Variants in EPAS1 observed in about 807,000 individuals in gnomAD.
EPAS1 encodes the protein endothelial PAS domain-containing protein 1.
In EPAS1, 23 loss-of-function variants were observed where a neutral mutation model predicts 87.9. The observed-to-expected ratio is 0.26, with a 90% CI of 0.19 to 0.37. EPAS1 has a LOEUF of 0.37. Ranked by LOEUF, EPAS1 falls within the 10% of genes least tolerant of loss-of-function variation. The pLI is 1.00. For synonymous variants in EPAS1, 508 were observed against 444.3 expected, an observed-to-expected ratio of 1.14 and a Z score of -1.80; for missense variants, 1,138 against 1,120.7, an observed-to-expected ratio of 1.02 and a Z score of -0.22.
At chr2:46,304,022 G>T (rs886261608) in intron 1 of EPAS1, among the ~76,000 whole-genome samples, 8 of 152,142 alleles carry the variant, frequency 5.3e-5, no homozygotes, top group African/African-American at 1.9e-4. Context: ...GGTAAATACT[G>T]GTATGATTCA....
chr2:46,376,901 G>T (rs1387272014), intron 9 of EPAS1, 148 bp downstream of exon 9: 9 of 796,444 alleles, frequency 1.1e-5, no homozygotes, highest in African/African-American at 1.7e-5. Flanking sequence ...TTAGAGGCCA[G>T]GCCCTGCTGA....
At chr2:46,369,574 C>T (rs560726248) in intron 6 of EPAS1, among the ~76,000 whole-genome samples, 39 of 152,274 alleles carry the variant, frequency 2.6e-4, no homozygotes, top group Non-Finnish European at 5.1e-4. Context: ...AGGGAGTCCT[C>T]AGAACTGGTG....
intron 6 of EPAS1, among the ~76,000 whole-genome samples, chr2:46,364,870 G>A (rs1684470090): frequency 6.6e-6 from 1 of 152,210 alleles, no homozygotes; most frequent in Non-Finnish European, 1.5e-5. Context: ...GTAACTGTGT[G>A]CCAGAGACCA....
intron 14 of EPAS1, 41 bp downstream of exon 14, chr2:46,382,130 G>A (rs375528375): frequency 3.2e-6 from 5 of 1,585,670 alleles, no homozygotes; most frequent in Non-Finnish European, 3.5e-6. Context: ...GGGGGTTCTG[G>A]TGGAAGGACT....
At chr2:46,340,642 C>A (rs1026586456) in intron 1 of EPAS1, among the ~76,000 whole-genome samples, 1 of 152,164 alleles carries the variant, frequency 6.6e-6, no homozygotes, top group Admixed American at 6.5e-5. Context: ...CATATTAATG[C>A]CTTTTTTCTC....
intron 1 of EPAS1, among the ~76,000 whole-genome samples, chr2:46,326,887 C>G (rs1683574524): frequency 1.3e-5 from 2 of 152,180 alleles, no homozygotes; most frequent in Non-Finnish European, 2.9e-5. Flanking sequence ...CCTGCAGGCC[C>G]TGGAGCCAGA....
chr2:46,367,902 T>C (rs534777097), intron 6 of EPAS1, among the ~76,000 whole-genome samples: 1 of 152,320 alleles, frequency 6.6e-6, no homozygotes, highest in Non-Finnish European at 1.5e-5. Context: ...GTTCTGTGTG[T>C]GTGTGTGTGC....
chr2:46,346,844 C>G lies in EPAS1; in HGVS notation c.27-29C>G. 6.2e-7 allele frequency: 1 copy of G among 1,613,332 alleles called. No individual in the cohort carries two copies. The highest frequency in any genetic ancestry group is 1.1e-5 in the South Asian group (1 of 90,962). On this transcript the variant is annotated intron_variant, in intron 1 of 15. Coordinates refer to ENST00000263734, the MANE Select transcript of EPAS1 (RefSeq NM_001430.5). The surrounding 1 kb of genome is among the most constrained non-coding windows in gnomAD (Gnocchi z 4.0). ...GTATGATAGGCTGACAGTAACCTTTCCGGGACTAACCCCTTCTTCTCCACT... is the reference window on the plus strand; with the variant it reads ...GTATGATAGGCTGACAGTAACCTTTGCGGGACTAACCCCTTCTTCTCCACT...
Position 46,380,637 on chromosome 2 carries a change from G to T in EPAS1, c.1965G>T (p.Gly655=), listed in dbSNP as rs137974504. The T allele has an allele frequency of 6.2e-7, 1 of 1,613,984 alleles. No homozygotes were observed. The highest frequency in any genetic ancestry group is 8.5e-7 in the Non-Finnish European group (1 of 1,179,996). The part of the protein sequence containing the change: ...LHFGPTKWAV[G]DQRTEFLGAA... ...TTGGGCCCACAAAGTGGGCCGTCGG[G>T]GATCAGCGCACAGAGTTCTTGGGAG... Residue 655 remains glycine, a synonymous_variant, in exon 12 of 16, where the codon GGG becomes GGT. Coordinates refer to ENST00000263734, the MANE Select transcript of EPAS1 (RefSeq NM_001430.5). This position sits in a 1 kb window ranked among gnomAD's most constrained non-coding sequence, Gnocchi z 4.4.
In EPAS1 at chr2:46,385,107, C is replaced by T. The variant is rs1684985123; in HGVS notation, c.*447C>T. 1 of 179,748 alleles carries T rather than the reference C, an allele frequency of 5.6e-6. No individual in the cohort carries two copies. Among genetic ancestry groups the T allele is most frequent in the Non-Finnish European group, 1.2e-5 (1 of 83,356 alleles). The allele number at this position is 179,748 out of a possible 1,614,324, so 11.1% of individuals were successfully genotyped here. On this transcript the variant is annotated 3_prime_UTR_variant, in exon 16 of 16. Coordinates refer to ENST00000263734, the MANE Select transcript of EPAS1 (RefSeq NM_001430.5). ...GAGAAACAAAAATGATTTTGCTTTC[C>T]AAGCTTGGTTTGTGGCGTCTCCCTC...
At position 46,380,826 on chromosome 2, in the gene EPAS1, T is replaced by A; in HGVS notation, c.2045+109T>A. On this transcript the variant is annotated intron_variant, in intron 12 of 15. Transcript: ENST00000263734. This position sits in a 1 kb window ranked among gnomAD's most constrained non-coding sequence, Gnocchi z 4.4. The stretch of plus-strand genomic sequence containing the variant: ...CCTGCCCCTCTCCCCAGCCATCTGA[T>A]ACCCCATTTAGCCCTTCTCTGAGCT... The A allele has an allele frequency of 1.3e-6, 2 of 1,563,052 alleles. No homozygotes were observed. Among genetic ancestry groups the A allele is most frequent in the Non-Finnish European group, 1.7e-6 (2 of 1,150,764 alleles).
chr2:46,343,352 C>G (rs914003883), intron 1 of EPAS1, among the ~76,000 whole-genome samples: 4 of 152,168 alleles, frequency 2.6e-5, no homozygotes, highest in Non-Finnish European at 5.9e-5. Flanking sequence ...CCCTTCTTCC[C>G]AAAGTATGTG....
Position 46,384,654 on chromosome 2 carries a change from C to A in EPAS1, c.2607C>A (p.Ala869=). The change falls in exon 16 of 16, where the codon GCC becomes GCA. Residue 869 remains alanine, a synonymous_variant. Transcript: ENST00000263734. ...ACCTCCTCAGAGCCCTGGACCAGGC[C>A]ACCTGAGCCAGGCCTTCTACCTGGG... ...GGDLLRALDQ[A]T 6.2e-7 allele frequency: 1 copy of A among 1,613,700 alleles called. No homozygotes were observed. The highest frequency in any genetic ancestry group is 8.5e-7 in the Non-Finnish European group (1 of 1,180,004).
At chr2:46,358,521 C>T (rs1031991145) in intron 4 of EPAS1, among the ~76,000 whole-genome samples, 5 of 152,206 alleles carry the variant, frequency 3.3e-5, no homozygotes, top group Non-Finnish European at 2.9e-5. Flanking sequence ...GTCAGTTCAG[C>T]CACTGACCAT....
chr2:46,353,688 C>T (rs1324042187), intron 2 of EPAS1, among the ~76,000 whole-genome samples: 1 of 152,210 alleles, frequency 6.6e-6, no homozygotes, highest in Non-Finnish European at 1.5e-5. Flanking sequence ...GACATTGCAT[C>T]ATCGCTTCAG....
At chr2:46,383,272 T>A (rs557913291) in intron 15 of EPAS1, among the ~76,000 whole-genome samples, 91 of 152,350 alleles carry the variant, frequency 6.0e-4, no homozygotes, top group African/African-American at 2.2e-3. Flanking sequence ...CAAAACTTCC[T>A]TCAGGTAGAA....
At chr2:46,345,559 A>G (rs1158193305) in intron 1 of EPAS1, among the ~76,000 whole-genome samples, 1 of 152,108 alleles carries the variant, frequency 6.6e-6, no homozygotes, top group Non-Finnish European at 1.5e-5. Flanking sequence ...TCTATGGGGC[A>G]GTTTCCTCAT....
chr2:46,363,300 G>C (rs774370678), intron 6 of EPAS1, among the ~76,000 whole-genome samples: 1 of 152,124 alleles, frequency 6.6e-6, no homozygotes, highest in African/African-American at 2.4e-5. Context: ...AGTCAGATAC[G>C]TGCTTCACCC....
At chr2:46,366,416 C>G (rs1684502823) in intron 6 of EPAS1, among the ~76,000 whole-genome samples, 1 of 152,200 alleles carries the variant, frequency 6.6e-6, no homozygotes, top group African/African-American at 2.4e-5. Flanking sequence ...TGGGGTAACA[C>G]CAACTTCAGA....
Sources: allele counts gnomAD v4.1 joint callset (sites outside exome capture counted in the v4.1 genomes callset), GRCh38; gene constraint gnomAD v4.1.1; non-coding constraint Gnocchi (gnomAD v3.1); transcripts MANE v1.5; gene names NCBI Gene and HGNC (gene_info 2026-07-23, HGNC 2026-07-21).